Variants in SERTM1 observed in about 807,000 individuals in gnomAD.
The protein encoded by SERTM1 is serine-rich and transmembrane domain-containing protein 1.
In SERTM1, 1 loss-of-function variant was observed where a neutral mutation model predicts 5.5. The observed-to-expected ratio is 0.18, with a 90% CI of 0.06 to 0.86. The LOEUF is 0.86. SERTM1 is among the 40% of genes least tolerant of loss of function. The probability of loss-of-function intolerance (pLI) is 0.69; values close to 1 mark genes in which losing one functional copy is unlikely to be tolerated. For synonymous variants in SERTM1, 52 were observed against 55.1 expected (o/e 0.94, Z 0.25); for missense variants, 91 against 122.4 (o/e 0.74, Z 1.21).
intron 1 of SERTM1, among the ~76,000 whole-genome samples, chr13:36,685,613 T>C (rs558615941): frequency 1.3e-5 from 2 of 152,296 alleles, no homozygotes; most frequent in African/African-American, 2.4e-5. Context: ...TCTGAACTGT[T>C]CATTGGCCCC....
intron 1 of SERTM1, among the ~76,000 whole-genome samples, chr13:36,680,003 A>G (rs1440605869): frequency 2.0e-5 from 3 of 152,240 alleles, no homozygotes; most frequent in Non-Finnish European, 4.4e-5. Context: ...TATATGAAAC[A>G]TAAATGAATT....
intron 1 of SERTM1, among the ~76,000 whole-genome samples, chr13:36,691,822 C>T (rs984671816): frequency 3.9e-5 from 6 of 152,152 alleles, no homozygotes; most frequent in African/African-American, 7.2e-5. Context: ...ATTTCATTTC[C>T]GCAGTGCAAC....
chr13:36,689,619 A>G (rs2056765108), intron 1 of SERTM1, among the ~76,000 whole-genome samples: 1 of 150,520 alleles, frequency 6.6e-6, no homozygotes, highest in Non-Finnish European at 1.5e-5. Context: ...TTGAGACTGT[A>G]TGAGGTAGAT....
chr13:36,688,667 G>C (rs543646649), intron 1 of SERTM1, among the ~76,000 whole-genome samples: 63 of 152,264 alleles, frequency 4.1e-4, no homozygotes, highest in African/African-American at 1.4e-3. Context: ...AGAGCAGGAT[G>C]GGGGGAAAGA....
rs577307526 is a variant in SERTM1 at position 36,695,004 on chromosome 13, C to T, written c.-75C>T. 3 of 1,054,694 alleles carry T rather than the reference C, an allele frequency of 2.8e-6. No individual in the cohort carries two copies. In the African/African-American group the frequency reaches 4.8e-5, roughly 17 times the overall value. The allele number at this position is 1,054,694 out of a possible 1,614,324, so 65.3% of individuals were successfully genotyped here. On this transcript the variant is annotated 5_prime_UTR_variant, in exon 2 of 2. Transcript: ENST00000315190. The stretch of plus-strand genomic sequence containing the variant: ...CTGCAAACACGATCGTGAAAAAATG[C>T]CAATCTGTCCTGTGTAAGCCCTGTG...
At chr13:36,676,676 G>A (rs2056671732) in intron 1 of SERTM1, among the ~76,000 whole-genome samples, 1 of 152,112 alleles carries the variant, frequency 6.6e-6, no homozygotes, top group Admixed American at 6.6e-5. Context: ...CCAAAAAGTA[G>A]TGCCACAGAA....
chr13:36,695,082 T>G lies in SERTM1; in HGVS notation c.4T>G (p.Ser2Ala). 4 of 1,612,546 alleles carry G rather than the reference T, an allele frequency of 2.5e-6. No individual in the cohort carries two copies. Among genetic ancestry groups the G allele is most frequent in the Non-Finnish European group, 3.4e-6 (4 of 1,179,010 alleles). Residue 2 changes from serine to alanine, a missense_variant, in exon 2 of 2, where the codon TCT becomes GCT. Transcript: ENST00000315190. M[S>A]EPDTSSGFSG... ...CACTCCTTCACCCTCCATAAAGATG[T>G]CTGAACCTGACACTTCCTCAGGATT...
intron 1 of SERTM1, among the ~76,000 whole-genome samples, chr13:36,692,105 G>A (rs1420068752): frequency 6.6e-6 from 1 of 152,152 alleles, no homozygotes; most frequent in Non-Finnish European, 1.5e-5. Context: ...AATATTTGGG[G>A]GGAATACTTA....
chr13:36,687,484 C>T (rs1409507314), intron 1 of SERTM1, among the ~76,000 whole-genome samples: 2 of 151,926 alleles, frequency 1.3e-5, no homozygotes, highest in African/African-American at 4.8e-5. Flanking sequence ...GGAAAAGTAT[C>T]TCCTTAATGG....
intron 1 of SERTM1, among the ~76,000 whole-genome samples, chr13:36,677,212 G>A (rs1157313248): frequency 1.3e-5 from 2 of 151,966 alleles, no homozygotes; most frequent in African/African-American, 4.8e-5. Flanking sequence ...ACTAACTTTG[G>A]AAATTTTTTT....
chr13:36,692,062 TAAG>T (rs2056782717), intron 1 of SERTM1, among the ~76,000 whole-genome samples: 1 of 152,208 alleles, frequency 6.6e-6, no homozygotes, highest in Non-Finnish European at 1.5e-5. Flanking sequence ...GATTTTAAAT[TAAG>T]AAGTACCCCG....
intron 1 of SERTM1, among the ~76,000 whole-genome samples, chr13:36,685,243 G>T (rs1468928698): frequency 1.3e-5 from 2 of 152,204 alleles, no homozygotes; most frequent in Admixed American, 6.5e-5. Context: ...GAGAGCATTG[G>T]CAGGCTCGGC....
intron 1 of SERTM1, among the ~76,000 whole-genome samples, chr13:36,689,073 C>T (rs180713220): frequency 1.3e-5 from 2 of 152,182 alleles, no homozygotes; most frequent in East Asian, 1.9e-4. Context: ...TGTACTTGAC[C>T]GTTTTATCTA....
Position 36,695,121 on chromosome 13 carries a change from G to A in SERTM1, c.43G>A (p.Glu15Lys). The A allele has an allele frequency of 1.2e-6, 2 of 1,614,148 alleles. No homozygotes were observed. The highest frequency in any genetic ancestry group is 1.7e-6 in the Non-Finnish European group (2 of 1,180,012). The change falls in exon 2 of 2, where the codon GAG (glutamate) becomes AAG (lysine). Residue 15 changes from glutamate (E) to lysine (K), a missense_variant. By Grantham distance (56) the Glu-to-Lys change is moderately conservative. Transcript: ENST00000315190. ...TTCCTCAGGATTTTCGGGAAGTGTG[G>A]AGAATGGAACTTTTCTTGAGCTGTT... ...DTSSGFSGSV[E>K]NGTFLELFPT...
chr13:36,689,986 T>A (rs927422783), intron 1 of SERTM1, among the ~76,000 whole-genome samples: 4 of 152,294 alleles, frequency 2.6e-5, no homozygotes, highest in Admixed American at 2.0e-4. Flanking sequence ...AATAAAGCAC[T>A]GATACCAAGC....
Position 36,696,600 on chromosome 13 carries a change from G to C in SERTM1, c.*1198G>C, listed in dbSNP as rs145049792. 3.0e-5 allele frequency: 5 copies of C among 166,968 alleles called. No homozygotes were observed. The highest frequency in any genetic ancestry group is 1.2e-4 in the African/African-American group (5 of 41,436). The allele number at this position is 166,968 out of a possible 1,614,324, so 10.3% of individuals were successfully genotyped here. A position where few individuals can be genotyped will look rare whatever the true frequency, so the allele number is the denominator to read the frequency against. Reference sequence around the variant, plus strand: ...GTGCTGCAGGCAGCAGAGTATGTCTGAACTCGGCGGGCGGGTGGCAGGGGC... The same window carrying C: ...GTGCTGCAGGCAGCAGAGTATGTCTCAACTCGGCGGGCGGGTGGCAGGGGC... On this transcript the variant is annotated 3_prime_UTR_variant, in exon 2 of 2. Coordinates refer to ENST00000315190, the MANE Select transcript of SERTM1 (RefSeq NM_203451.3).
At chr13:36,675,588 A>G (rs1012646572) in intron 1 of SERTM1, among the ~76,000 whole-genome samples, 1 of 152,228 alleles carries the variant, frequency 6.6e-6, no homozygotes, top group Non-Finnish European at 1.5e-5. Flanking sequence ...GATCATGCCC[A>G]TAGAGGTTCT....
In SERTM1 at chr13:36,694,889, T is replaced by A; in HGVS notation, c.-173-17T>A. ...TGATTTTTCTGAAGAATGCACTGAC[T>A]TGCTTTTTTTTTTCAGTCTCAATGC... On this transcript the variant is annotated splice_polypyrimidine_tract_variant and intron_variant, in intron 1 of 1. Coordinates refer to ENST00000315190, the MANE Select transcript of SERTM1 (RefSeq NM_203451.3). 1.8e-6 allele frequency: 1 copy of A among 560,492 alleles called. No individual in the cohort carries two copies. The allele number at this position is 560,492 out of a possible 1,614,324, so 34.7% of individuals were successfully genotyped here.
chr13:36,684,084 G>T (rs1340077861), intron 1 of SERTM1, among the ~76,000 whole-genome samples: 2 of 152,124 alleles, frequency 1.3e-5, no homozygotes, highest in Non-Finnish European at 2.9e-5. Flanking sequence ...TATTTCCTGA[G>T]CTCAGGAGTT....
Sources: allele counts gnomAD v4.1 joint callset (sites outside exome capture counted in the v4.1 genomes callset), GRCh38; gene constraint gnomAD v4.1.1; transcripts MANE v1.5; gene names NCBI Gene and HGNC (gene_info 2026-07-23, HGNC 2026-07-21).